The following GRIK4 variants were observed in gnomAD, a reference collection of about 807,000 sequenced individuals.
GRIK4 encodes glutamate receptor ionotropic, kainate 4.
Under a neutral mutation model 104.9 loss-of-function variants are expected in GRIK4, and 40 were observed. The ratio of observed to expected loss-of-function variants is 0.38; its 90% confidence interval spans 0.30 to 0.50. The LOEUF (loss-of-function observed/expected upper bound fraction) is 0.50. GRIK4 is among the 20% of genes least tolerant of loss of function. The pLI is 0.93. For missense variants in GRIK4, 1,047 were observed against 1,308.1 expected (o/e 0.80, Z 3.08); for synonymous variants, 485 against 524.9 (o/e 0.92, Z 1.04).
At chr11:120,929,581 G>A (rs1176829045) in intron 13 of GRIK4, among the ~76,000 whole-genome samples, 7 of 152,200 alleles carry the variant, frequency 4.6e-5, no homozygotes, top group African/African-American at 1.4e-4. Flanking sequence ...AAAGGACTGG[G>A]GCCTGGGGAG....
rs754032764 is a variant in GRIK4, at chr11:120,819,927, T to G, written c.511+7T>G. On this transcript the variant is annotated splice_region_variant and intron_variant, in intron 6 of 20. Coordinates refer to ENST00000527524, the MANE Select transcript of GRIK4 (RefSeq NM_014619.5). This position sits in a 1 kb window ranked among gnomAD's most constrained non-coding sequence, Gnocchi z 4.3. ...ATCTGTGCCAAAGCAGAATGTAAGTTTCCCCAGGCTGGCTCTGCCCCAGAC... is the reference window on the plus strand; with the variant it reads ...ATCTGTGCCAAAGCAGAATGTAAGTGTCCCCAGGCTGGCTCTGCCCCAGAC... The G allele has an allele frequency of 6.2e-7, 1 of 1,613,156 alleles. No individual in the cohort carries two copies. Among genetic ancestry groups the G allele is most frequent in the African/African-American group, 1.3e-5 (1 of 75,006 alleles).
chr11:120,557,707 T>G (rs780576551), intron 1 of GRIK4, among the ~76,000 whole-genome samples: 1 of 152,196 alleles, frequency 6.6e-6, no homozygotes, highest in African/African-American at 2.4e-5. Context: ...TCAGCTCTTT[T>G]GCTGGTGATA....
At chr11:120,962,264 C>T (rs907824171) in intron 17 of GRIK4, among the ~76,000 whole-genome samples, 192 bp from the exon 18 acceptor site, 1 of 152,164 alleles carries the variant, frequency 6.6e-6, no homozygotes, top group Non-Finnish European at 1.5e-5. Flanking sequence ...GCACAACTCC[C>T]TCCTCTGCCA....
At chr11:120,916,818 T>C (rs553414218) in intron 13 of GRIK4, among the ~76,000 whole-genome samples, 1 of 152,220 alleles carries the variant, frequency 6.6e-6, no homozygotes, top group African/African-American at 2.4e-5. Flanking sequence ...ATTATGTTTA[T>C]GAAAATATTC....
intron 14 of GRIK4, among the ~76,000 whole-genome samples, chr11:120,944,493 A>C (rs1161378467): frequency 1.3e-5 from 2 of 152,192 alleles, no homozygotes; most frequent in Non-Finnish European, 2.9e-5. Context: ...CATATCAGGC[A>C]ATGGAATTTC....
In GRIK4 at chr11:120,795,339, C is replaced by G. The variant is rs375197515; in HGVS notation, c.83-7354C>G. Reference sequence around the variant, plus strand: ...GCCCCAGTCCAGTTTACCCAGGGAGCAGGAGGAGAGCAGCCAGCCCCGGGG... The same window carrying G: ...GCCCCAGTCCAGTTTACCCAGGGAGGAGGAGGAGAGCAGCCAGCCCCGGGG... On this transcript the variant is annotated intron_variant, in intron 3 of 20. Coordinates refer to ENST00000527524, the MANE Select transcript of GRIK4 (RefSeq NM_014619.5). Among the ~76,000 whole-genome samples the G allele has an allele frequency of 6.6e-5, 10 of 152,232 alleles. No homozygotes were observed. In the East Asian group the frequency reaches 1.9e-3, roughly 29 times the overall value.
intron 14 of GRIK4, among the ~76,000 whole-genome samples, chr11:120,941,451 A>C (rs1398395729): frequency 6.6e-6 from 1 of 152,088 alleles, no homozygotes; most frequent in African/African-American, 2.4e-5. Flanking sequence ...CTATGCTCCC[A>C]ACCCTGTGAT....
chr11:120,968,330 G>A (rs932166223), intron 19 of GRIK4, among the ~76,000 whole-genome samples: 1 of 152,160 alleles, frequency 6.6e-6, no homozygotes, highest in Admixed American at 6.5e-5. Flanking sequence ...AAAGTGTCCT[G>A]GTTTAGACAA....
intron 3 of GRIK4, among the ~76,000 whole-genome samples, chr11:120,686,803 G>T (rs1292531146): frequency 6.6e-6 from 1 of 152,228 alleles, no homozygotes; most frequent in Non-Finnish European, 1.5e-5. Context: ...GGAAACTGAA[G>T]GTGGTGATCC....
intron 1 of GRIK4, among the ~76,000 whole-genome samples, chr11:120,521,925 A>C (rs1245206105): frequency 2.0e-5 from 3 of 152,174 alleles, no homozygotes; most frequent in African/African-American, 7.2e-5. Flanking sequence ...CTTCTTCTGA[A>C]AGCTGACATC....
intron 12 of GRIK4, 26 bp downstream of exon 12, chr11:120,898,665 G>A (rs776459257): frequency 6.0e-6 from 8 of 1,335,322 alleles, no homozygotes; most frequent in Middle Eastern, 1.8e-4. Context: ...TAGGCTCCCA[G>A]CTGCAGCATC....
chr11:120,885,036 T>C (rs759010004), intron 11 of GRIK4, among the ~76,000 whole-genome samples: 7 of 152,272 alleles, frequency 4.6e-5, no homozygotes, highest in Non-Finnish European at 1.0e-4. Context: ...GTTGTGTTAT[T>C]AATACAACCA....
intron 3 of GRIK4, among the ~76,000 whole-genome samples, chr11:120,740,385 C>T (rs1046799125): frequency 2.0e-5 from 3 of 152,196 alleles, no homozygotes; most frequent in Non-Finnish European, 4.4e-5. Context: ...CCCTCACCCC[C>T]GCATGAGTGG....
chr11:120,519,880 GTT>G (rs11300538), intron 1 of GRIK4, among the ~76,000 whole-genome samples: 4 of 121,604 alleles, frequency 3.3e-5, no homozygotes, highest in South Asian at 2.8e-4. Context: ...TTTTTTTTTT[GTT>G]TTTTTTTTTG....
rs796578019 is a variant in GRIK4 at position 120,984,985 on chromosome 11, C to T, written c.2515-919C>T. Among the ~76,000 whole-genome samples the T allele has an allele frequency of 4.5e-4, 69 of 151,978 alleles. 1 individual carries two copies. The highest frequency in any genetic ancestry group is 1.5e-3 in the African/African-American group (63 of 41,484). ...CTGAGATTACAGGCACACGCCACCA[C>T]GCCCAGCTAAATTTTGTGGTTTTAG... On this transcript the variant is annotated intron_variant, in intron 20 of 20. Coordinates refer to ENST00000527524, the MANE Select transcript of GRIK4 (RefSeq NM_014619.5).
intron 17 of GRIK4, 116 bp downstream of exon 17, chr11:120,961,190 A>C: frequency 2.1e-6 from 2 of 957,958 alleles, no homozygotes; most frequent in Admixed American, 4.9e-5. Context: ...TTGAACATAT[A>C]GTTTGGAGGT....
intron 3 of GRIK4, among the ~76,000 whole-genome samples, chr11:120,727,337 A>C (rs1211920970): frequency 6.6e-6 from 1 of 152,248 alleles, no homozygotes; most frequent in Non-Finnish European, 1.5e-5. Flanking sequence ...GAGAAAGTCC[A>C]GATAAAAGTT....
chr11:120,788,983 T>A (rs935721243), intron 3 of GRIK4, among the ~76,000 whole-genome samples: 1 of 152,184 alleles, frequency 6.6e-6, no homozygotes, highest in African/African-American at 2.4e-5. Context: ...TTGTTTTATC[T>A]GACTTCTGTT....
At chr11:120,936,950 G>A (rs1336436132) in intron 13 of GRIK4, among the ~76,000 whole-genome samples, 2 of 152,040 alleles carry the variant, frequency 1.3e-5, no homozygotes, top group Non-Finnish European at 1.5e-5. Context: ...TTCCTGGGTG[G>A]AATCACAGTC....
Sources: gnomAD v4.1 joint callset for allele counts (sites outside exome capture counted in the v4.1 genomes callset) on GRCh38, gnomAD v4.1.1 for gene constraint, Gnocchi (gnomAD v3.1) non-coding constraint, MANE v1.5 for transcripts, NCBI Gene and HGNC (gene_info 2026-07-23, HGNC 2026-07-21) for gene names.